The following VEGFC variants were observed in gnomAD, a reference collection of about 807,000 sequenced individuals.
The protein encoded by VEGFC is vascular endothelial growth factor C, also known as FLT4 ligand DHM.
In VEGFC, 12 loss-of-function variants were observed where a neutral mutation model predicts 46.1. The ratio of observed to expected loss-of-function variants is 0.26; its 90% CI spans 0.17 to 0.42. VEGFC has a LOEUF of 0.42. Among genes scored for constraint, VEGFC ranks in the 10% least tolerant of loss-of-function variants. The pLI, the probability that VEGFC is intolerant of heterozygous loss-of-function variation, is 1.00. For missense variants in VEGFC, 488 were observed against 529.4 expected (o/e 0.92, Z 0.77); for synonymous variants, 232 against 195.5 (o/e 1.19, Z -1.56).
At chr4:176,746,547 T>C (rs543634610) in intron 1 of VEGFC, among the ~76,000 whole-genome samples, 1 of 152,232 alleles carries the variant, frequency 6.6e-6, no homozygotes, top group South Asian at 2.1e-4. Flanking sequence ...ATTTGCTGAA[T>C]AATAATATAC....
Position 176,684,040 on chromosome 4 carries a change from G to C in VEGFC, c.1146C>G (p.Ser382Arg), listed in dbSNP as rs746647995. The change falls in exon 7 of 7, where the codon AGC (serine) becomes AGG (arginine). Residue 382 changes from serine to arginine, a missense_variant and splice_region_variant. By Grantham distance (110) the Ser-to-Arg change is moderately radical. Transcript: ENST00000618562. ...KGKKFHHQTC[S>R]CYRRPCTNRQ... Reference sequence around the variant, plus strand: ...GGTTCGTACATGGCCGTCTGTAACAGCTAGGAGAACAAACAAGAACACACT... The same window carrying C: ...GGTTCGTACATGGCCGTCTGTAACACCTAGGAGAACAAACAAGAACACACT... The C allele has an allele frequency of 6.2e-7, 1 of 1,611,708 alleles. No homozygotes were observed.
chr4:176,738,410 C>A (rs1735091825), intron 1 of VEGFC, among the ~76,000 whole-genome samples: 1 of 151,972 alleles, frequency 6.6e-6, no homozygotes, highest in Admixed American at 6.6e-5. Flanking sequence ...CACCTACAAC[C>A]ATCTGACTTT....
rs182808839 is a variant in VEGFC at position 176,770,480 on chromosome 4, T to C, written c.147+21685A>G. Among the ~76,000 whole-genome samples, 447 of 152,066 alleles carry C rather than the reference T, an allele frequency of 2.9e-3. 2 individuals are homozygous for C. Among genetic ancestry groups the C allele is most frequent in the Middle Eastern group, 0.014 (4 of 294 alleles). On this transcript the variant is annotated intron_variant, in intron 1 of 6. Transcript: ENST00000618562. ...TTCTAAATATGCTTAGCAGGTTTAT[T>C]TGGCTACATATGAAGTCTCTTTTAA...
intron 1 of VEGFC, among the ~76,000 whole-genome samples, chr4:176,787,733 A>C (rs1480171403): frequency 6.6e-6 from 1 of 152,150 alleles, no homozygotes; most frequent in African/African-American, 2.4e-5. Flanking sequence ...CGAGGAAAGA[A>C]GCCACCCCAA....
chr4:176,711,674 GA>G lies in VEGFC; in HGVS notation c.553-25del, dbSNP rs753912137. 13 of 1,608,118 alleles carry G rather than the reference GA, an allele frequency of 8.1e-6. No individual in the cohort carries two copies. The African/African-American group carries it at 1.6e-4, about 20-fold the overall frequency. ...AACTACAAAGAAGGGACAAAAAGAA[GA>G]AAAAATTATATAGATGCTGTAAAGC... On this transcript the variant is annotated intron_variant, in intron 3 of 6. Coordinates refer to ENST00000618562, the MANE Select transcript of VEGFC (RefSeq NM_005429.5).
At chr4:176,722,488 G>GTTTTTTTTTTTTTT (rs138526102) in intron 3 of VEGFC, among the ~76,000 whole-genome samples, 1 of 134,976 alleles carries the variant, frequency 7.4e-6, no homozygotes. Context: ...TTTTTCTTTT[G>GTTTTTTTTTTTTTT]TTTTTTTTTT....
intron 1 of VEGFC, among the ~76,000 whole-genome samples, chr4:176,765,550 A>AT (rs779746169): frequency 0.073 from 9,617 of 131,458 alleles, 622 homozygotes; most frequent in African/African-American, 0.15. Context: ...CAAAGACAGA[A>AT]TTTTTTTTTT....
intron 4 of VEGFC, among the ~76,000 whole-genome samples, chr4:176,708,089 C>A (rs1734567026): frequency 6.6e-6 from 1 of 151,620 alleles, no homozygotes; most frequent in East Asian, 1.9e-4. Context: ...TCATACTGAG[C>A]AAAGTTAATA....
chr4:176,738,552 CAA>C (rs1735094489), intron 1 of VEGFC, among the ~76,000 whole-genome samples: 1 of 151,988 alleles, frequency 6.6e-6, no homozygotes, highest in Non-Finnish European at 1.5e-5. Context: ...AAAATTAACT[CAA>C]GATGGATTAA....
At chr4:176,741,999 T>C (rs1381103727) in intron 1 of VEGFC, among the ~76,000 whole-genome samples, 1 of 151,974 alleles carries the variant, frequency 6.6e-6, no homozygotes, top group Non-Finnish European at 1.5e-5. Context: ...TGATTTATTT[T>C]AGATTCAGGG....
At chr4:176,685,296 C>G (rs1416442647) in intron 6 of VEGFC, among the ~76,000 whole-genome samples, 1 of 152,118 alleles carries the variant, frequency 6.6e-6, no homozygotes, top group Non-Finnish European at 1.5e-5. Context: ...ACTTAATGAT[C>G]CATAAAAGCT....
intron 4 of VEGFC, among the ~76,000 whole-genome samples, chr4:176,693,347 C>T (rs1384873203): frequency 2.2e-5 from 3 of 134,780 alleles, no homozygotes; most frequent in South Asian, 2.2e-4. Context: ...CCTCAGGAGC[C>T]GATGCAATCA....
chr4:176,704,138 C>A (rs1734482031), intron 4 of VEGFC, among the ~76,000 whole-genome samples: 1 of 151,820 alleles, frequency 6.6e-6, no homozygotes, highest in African/African-American at 2.4e-5. Flanking sequence ...CTTTTGTGGT[C>A]TCTCTCTCTG....
Position 176,764,013 on chromosome 4 carries a change from T to C in VEGFC, c.147+28152A>G, listed in dbSNP as rs928174618. Among the ~76,000 whole-genome samples the C allele has an allele frequency of 4.6e-5, 7 of 152,300 alleles. No homozygotes were observed. The East Asian group carries it at 1.4e-3, about 29-fold the overall frequency. On this transcript the variant is annotated intron_variant, in intron 1 of 6. Transcript: ENST00000618562. ...CACAATAATTATCAAGGTAGTTGAC[T>C]TAGCAACTTCCACTTCTGACCATGA... is the stretch of plus-strand genomic sequence containing the variant.
intron 1 of VEGFC, among the ~76,000 whole-genome samples, chr4:176,763,171 C>T (rs370858894): frequency 6.6e-6 from 1 of 152,130 alleles, no homozygotes; most frequent in African/African-American, 2.4e-5. Context: ...TCCACAGGTG[C>T]GGAGCACAAG....
In VEGFC at chr4:176,723,632, G is replaced by A. The variant is rs1252933710; in HGVS notation, c.552+4146C>T. Among the ~76,000 whole-genome samples the A allele has an allele frequency of 3.3e-5, 5 of 149,694 alleles. No homozygotes were observed. In the East Asian group the frequency reaches 1.0e-3, roughly 30 times the overall value. On this transcript the variant is annotated intron_variant, in intron 3 of 6. Coordinates refer to ENST00000618562, the MANE Select transcript of VEGFC (RefSeq NM_005429.5). Reference sequence around the variant, plus strand: ...TTATTTTAGGTTTGGGGGTCCATGTGCAGATTTGTGACATAGGTAAACTTT... The same window carrying A: ...TTATTTTAGGTTTGGGGGTCCATGTACAGATTTGTGACATAGGTAAACTTT...
At chr4:176,773,069 C>T (rs1010891457) in intron 1 of VEGFC, among the ~76,000 whole-genome samples, 1 of 152,170 alleles carries the variant, frequency 6.6e-6, no homozygotes, top group African/African-American at 2.4e-5. Flanking sequence ...GCACTTCTAC[C>T]TGAGAAGATG....
chr4:176,690,900 C>T (rs1465632334), intron 4 of VEGFC, among the ~76,000 whole-genome samples: 1 of 152,140 alleles, frequency 6.6e-6, no homozygotes, highest in East Asian at 1.9e-4. Context: ...TTTATACTGC[C>T]ATTACCTAAG....
intron 1 of VEGFC, among the ~76,000 whole-genome samples, chr4:176,758,712 G>T (rs1335793309): frequency 2.6e-5 from 4 of 152,094 alleles, no homozygotes; most frequent in Admixed American, 2.6e-4. Context: ...TGTATGCAAA[G>T]TCTGATACTT....
Sources: allele counts gnomAD v4.1 joint callset (sites outside exome capture counted in the v4.1 genomes callset), GRCh38; gene constraint gnomAD v4.1.1; transcripts MANE v1.5; gene names NCBI Gene and HGNC (gene_info 2026-07-23, HGNC 2026-07-21).